ATG13: variants seen among roughly 807,000 people sequenced by gnomAD.
ATG13 encodes the protein autophagy related 13.
Under a neutral mutation model 65.5 loss-of-function variants are expected in ATG13, and 23 were observed. That is an observed-to-expected ratio of 0.35 (90% CI 0.25 to 0.50). ATG13 has a LOEUF of 0.50. Among genes scored for constraint, ATG13 ranks in the 20% least tolerant of loss-of-function variants. ATG13 has a pLI of 0.98. For synonymous variants in ATG13, 252 were observed against 245.2 expected (o/e 1.03, Z -0.26); for missense variants, 566 against 677.0 (o/e 0.84, Z 1.82).
intron 5 of ATG13, among the ~76,000 whole-genome samples, chr11:46,647,295 T>TTTTTTTTTTTTTTTTTG (rs2057864326): frequency 1.3e-5 from 1 of 78,674 alleles, no homozygotes; most frequent in Non-Finnish European, 3.2e-5. Flanking sequence ...TTTTTTTTGT[T>TTTTTTTTTTTTTTTTTG]TTTTTTTTTT....
chr11:46,641,297 C>G (rs533807502), intron 2 of ATG13, among the ~76,000 whole-genome samples: 8 of 152,268 alleles, frequency 5.3e-5, no homozygotes, highest in African/African-American at 1.9e-4. Flanking sequence ...GTCTTGAACT[C>G]CTGACCTTGT....
chr11:46,644,245 T>A (rs1422171676), intron 2 of ATG13, 34 bp from the exon 3 acceptor site: 12 of 1,465,150 alleles, frequency 8.2e-6, no homozygotes, highest in Non-Finnish European at 1.1e-5. Context: ...TTTTTAAAGA[T>A]ATTAGTCATA....
Position 46,644,331 on chromosome 11 carries a change from G to A in ATG13, c.40G>A (p.Asp14Asn). 6.2e-7 allele frequency: 1 copy of A among 1,610,974 alleles called. No homozygotes were observed. The highest frequency in any genetic ancestry group is 8.5e-7 in the Non-Finnish European group (1 of 1,179,188). Residue 14 changes from aspartate (D) to asparagine (N), a missense_variant, in exon 3 of 19, where the codon GAC (aspartate) becomes AAC (asparagine). Asp to Asn is a conservative substitution (Grantham distance 23, BLOSUM62 1). This residue lies in a region of ATG13 where 179 missense variants were observed against 267.2 expected (regional missense o/e 0.67). Transcript: ENST00000683050. The stretch of plus-strand genomic sequence containing the variant: ...CAATTCCCAGGACAGAAAGGACCTG[G>A]ACAAGTTTATTAAATTTTTTGCCCT... ...DLNSQDRKDLDKFIKFFALKT... is the reference protein window; with the variant it reads ...DLNSQDRKDLNKFIKFFALKT...
chr11:46,648,832 A>T (rs2058303501), intron 5 of ATG13: 1 of 192,344 alleles, frequency 5.2e-6, no homozygotes, highest in Non-Finnish European at 1.0e-5. Context: ...ATGTCCAAGA[A>T]TTGGAGGACT....
intron 3 of ATG13, 108 bp downstream of exon 3, chr11:46,644,468 C>A: frequency 1.1e-6 from 1 of 940,432 alleles, no homozygotes; most frequent in Non-Finnish European, 1.6e-6. Context: ...TGCAGCTTGC[C>A]CATTTTAAGG....
intron 6 of ATG13, among the ~76,000 whole-genome samples, chr11:46,649,677 G>T (rs1000073983): frequency 6.6e-6 from 1 of 152,170 alleles, no homozygotes; most frequent in Non-Finnish European, 1.5e-5. Context: ...TTTTCAACAA[G>T]AGTATATAGG....
intron 2 of ATG13, among the ~76,000 whole-genome samples, chr11:46,636,557 C>CAAAAAA (rs374517009): frequency 6.3e-5 from 3 of 47,274 alleles, no homozygotes; most frequent in Non-Finnish European, 1.2e-4. Flanking sequence ...GACTCCGTCT[C>CAAAAAA]AAAAAAAAAA....
chr11:46,622,080 T>G (rs1168747247), intron 1 of ATG13, among the ~76,000 whole-genome samples: 1 of 4,602 alleles, frequency 2.2e-4, no homozygotes, highest in Non-Finnish European at 3.9e-4. Flanking sequence ...TATTTACATA[T>G]ATATATATAT....
chr11:46,635,172 A>G (rs1310641562), intron 2 of ATG13, among the ~76,000 whole-genome samples: 2 of 151,310 alleles, frequency 1.3e-5, no homozygotes, highest in Non-Finnish European at 2.9e-5. Flanking sequence ...ACTCCTGGCT[A>G]ATTTTTGTAT....
chr11:46,638,137 T>C (rs1439560201), intron 2 of ATG13, among the ~76,000 whole-genome samples: 1 of 152,142 alleles, frequency 6.6e-6, no homozygotes, highest in Non-Finnish European at 1.5e-5. Context: ...GATGAGAACA[T>C]TTAAAAACCT....
At position 46,672,894 on chromosome 11, in the gene ATG13, C is replaced by A; in HGVS notation, c.*562C>A. 9.9e-7 allele frequency: 1 copy of A among 1,014,522 alleles called. No homozygotes were observed. Among genetic ancestry groups the A allele is most frequent in the Non-Finnish European group, 1.3e-6 (1 of 781,712 alleles). The allele number at this position is 1,014,522 out of a possible 1,614,324, so 62.8% of individuals were successfully genotyped here. A position where few individuals can be genotyped will look rare whatever the true frequency, so the allele number is the denominator to read the frequency against. Reference sequence around the variant, plus strand: ...CTCTCTTGCCTCTATGCCTGTATTTCTGGCAATATGACAGGCCTGCCTACC... The same window carrying A: ...CTCTCTTGCCTCTATGCCTGTATTTATGGCAATATGACAGGCCTGCCTACC... On this transcript the variant is annotated 3_prime_UTR_variant, in exon 19 of 19. Coordinates refer to ENST00000683050, the MANE Select transcript of ATG13 (RefSeq NM_001346311.2).
intron 1 of ATG13, among the ~76,000 whole-genome samples, chr11:46,621,883 T>C (rs2047623808): frequency 6.6e-6 from 1 of 151,752 alleles, no homozygotes; most frequent in Non-Finnish European, 1.5e-5. Flanking sequence ...AGATTTTCCT[T>C]ACATCTATAG....
At chr11:46,625,809 G>A (rs2049366659) in intron 1 of ATG13, among the ~76,000 whole-genome samples, 2 of 152,114 alleles carry the variant, frequency 1.3e-5, no homozygotes, top group Non-Finnish European at 2.9e-5. Flanking sequence ...CCTTTAGGTG[G>A]GTCTGGATTT....
rs1017565783 is a variant in ATG13, at chr11:46,646,103, A to G, written c.270+114A>G. 5.4e-5 allele frequency: 74 copies of G among 1,382,366 alleles called. 1 individual carries two copies. In the Middle Eastern group the frequency reaches 3.7e-3, roughly 70 times the overall value. 85.6% of individuals were successfully genotyped at this position (1,382,366 alleles called of 1,614,324 possible). A position where few individuals can be genotyped will look rare whatever the true frequency, so the allele number is the denominator to read the frequency against. ...CCCTTTCCTCTCTGATATTCTTATC[A>G]TTCTCTGAGGGGGTCATAGTTTTTT... On this transcript the variant is annotated intron_variant, in intron 5 of 18. Transcript: ENST00000683050.
intron 12 of ATG13, 66 bp from the exon 13 acceptor site, chr11:46,664,783 A>G (rs1246376265): frequency 3.6e-5 from 51 of 1,430,394 alleles, no homozygotes; most frequent in Non-Finnish European, 4.9e-5. Context: ...CTTGTTTGTC[A>G]CGCTCTGGGA....
intron 2 of ATG13, among the ~76,000 whole-genome samples, chr11:46,631,787 G>C (rs1294604936): frequency 6.6e-6 from 1 of 152,150 alleles, no homozygotes; most frequent in African/African-American, 2.4e-5. Flanking sequence ...GCTGAGATGG[G>C]AGGATCACTT....
chr11:46,646,071 T>C (rs2057444566), intron 5 of ATG13, 82 bp downstream of exon 5: 1 of 1,538,620 alleles, frequency 6.5e-7, no homozygotes, highest in Non-Finnish European at 8.9e-7. Context: ...CTCAGTCTTA[T>C]TCCTGCCCCT....
chr11:46,657,239 AG>A, intron 9 of ATG13, 48 bp downstream of exon 9: 2 of 1,530,368 alleles, frequency 1.3e-6, no homozygotes, highest in African/African-American at 2.7e-5. Flanking sequence ...AAAATGTTAA[AG>A]TTTTTTTTCT....
At chr11:46,667,626 G>A in intron 14 of ATG13, 147 bp from the exon 15 acceptor site, 1 of 516,614 alleles carries the variant, frequency 1.9e-6, no homozygotes, top group Non-Finnish European at 3.5e-6. Flanking sequence ...GCATCAGCCA[G>A]ACCACATAAT....
Sources: gnomAD v4.1 joint callset for allele counts (sites outside exome capture counted in the v4.1 genomes callset) on GRCh38, gnomAD v4.1.1 for gene constraint, gnomAD v4.1.1 regional missense constraint, MANE v1.5 for transcripts, NCBI Gene and HGNC (gene_info 2026-07-23, HGNC 2026-07-21) for gene names.